MRO: variants seen among roughly 807,000 people sequenced by gnomAD.
MRO encodes the protein protein maestro.
Under a neutral mutation model 31.0 loss-of-function variants are expected in MRO, and 28 were observed. That is an observed-to-expected ratio of 0.90 (90% CI 0.67 to 1.24). MRO has a LOEUF of 1.24. Ranked by LOEUF, MRO falls within the 50% of genes most tolerant of loss-of-function variation. MRO has a pLI of 0.00. For synonymous variants in MRO, 108 were observed against 108.4 expected (o/e 1.00, Z 0.02); for missense variants, 332 against 289.2 (o/e 1.15, Z -1.07).
chr18:50,822,892 G>A (rs375839043), upstream of MRO, among the ~76,000 whole-genome samples: 26 of 152,128 alleles, frequency 1.7e-4, no homozygotes, highest in East Asian at 3.1e-3. Context: ...CTCGGACTGC[G>A]CTCTCAAGGA....
rs928161651 is a variant in MRO, at chr18:50,795,174, C to T, written c.*4163G>A. On this transcript the variant is annotated 3_prime_UTR_variant, in exon 8 of 8. Coordinates refer to ENST00000398439, the MANE Select transcript of MRO (RefSeq NM_031939.6). ...ATTTGTTATCAAGTTATATTATCAA[C>T]AGGTTATTGTCATCAACAGATTAAA... is the stretch of plus-strand genomic sequence containing the variant. 6.6e-6 allele frequency: 1 copy of T among 152,182 alleles called. No homozygotes were observed. The highest frequency in any genetic ancestry group is 6.5e-5 in the Admixed American group (1 of 15,282). The allele number at this position is 152,182 out of a possible 1,614,324, so 9.4% of individuals were successfully genotyped here.
At chr18:50,799,495 A>T (rs997514613) in intron 7 of MRO, 105 bp from the exon 8 acceptor site, 1 of 942,262 alleles carries the variant, frequency 1.1e-6, no homozygotes, top group Non-Finnish European at 1.7e-6. Context: ...GATAAGCAGG[A>T]GAGGTGGAGG....
rs1438535122 is a variant in MRO, at chr18:50,801,513, C to A, written c.430-9G>T. 2 of 1,574,804 alleles carry A rather than the reference C, an allele frequency of 1.3e-6. No homozygotes were observed. Among genetic ancestry groups the A allele is most frequent in the African/African-American group, 2.7e-5 (2 of 73,426 alleles). ...CTCAGACTGTCGTTCTCCTGCGGTC[C>A]CCATCAACAAAACAATAAGAAAGCC... On this transcript the variant is annotated splice_polypyrimidine_tract_variant and intron_variant, in intron 5 of 7. Coordinates refer to ENST00000398439, the MANE Select transcript of MRO (RefSeq NM_031939.6).
intron 5 of MRO, among the ~76,000 whole-genome samples, chr18:50,802,730 T>C (rs1262336620): frequency 6.6e-6 from 1 of 152,104 alleles, no homozygotes; most frequent in Non-Finnish European, 1.5e-5. Flanking sequence ...GTTTTTGTTT[T>C]TGTTTTTGTT....
Position 50,799,386 on chromosome 18 carries a change from T to A in MRO, c.698A>T (p.His233Leu), listed in dbSNP as rs150848918. ...RNTKLYQQLSHYHPEILQFFY... is the reference protein window; with the variant it reads ...RNTKLYQQLSLYHPEILQFFY... Reference sequence around the variant, plus strand: ...GAACTGCAGGATCTCTGGATGATAGTGGCTCTGAAAGAAATTAGCAAAGGT... The same window carrying A: ...GAACTGCAGGATCTCTGGATGATAGAGGCTCTGAAAGAAATTAGCAAAGGT... Residue 233 changes from histidine (H) to leucine (L), a missense_variant, in exon 8 of 8, where the codon CAC becomes CTC. Coordinates refer to ENST00000398439, the MANE Select transcript of MRO (RefSeq NM_031939.6). 3.1e-6 allele frequency: 5 copies of A among 1,614,034 alleles called. No homozygotes were observed. The East Asian group carries it at 1.1e-4, about 36-fold the overall frequency.
chr18:50,799,920 A>G, intron 7 of MRO, 116 bp downstream of exon 7: 1 of 719,340 alleles, frequency 1.4e-6, no homozygotes, highest in East Asian at 2.6e-5. Flanking sequence ...AAATAAACAT[A>G]GTTGGCCTGA....
chr18:50,815,236 G>A lies in MRO; in HGVS notation c.-5+4345C>T, dbSNP rs1914807414. On this transcript the variant is annotated intron_variant, in intron 2 of 7. Transcript: ENST00000398439. ...AAAAAGTGTCCTTTCTAAATGAGAT[G>A]GAGTCTACCAGGTCATAAAGAGGTC... The A allele has an allele frequency of 1.4e-5, 3 of 218,948 alleles. No individual in the cohort carries two copies. In the South Asian group the frequency reaches 2.4e-4, roughly 17 times the overall value. 13.6% of individuals were successfully genotyped at this position (218,948 alleles called of 1,614,324 possible).
rs1311952807 is a variant in MRO, at chr18:50,800,965, A to G, written c.585+384T>C. ...AAGGAAGGAAAGAAAAGAGAAAAGA[A>G]CAGAAAAGAAAAGAAGCCATGGGTG... On this transcript the variant is annotated intron_variant, in intron 6 of 7. Coordinates refer to ENST00000398439, the MANE Select transcript of MRO (RefSeq NM_031939.6). 3.3e-5 allele frequency among the ~76,000 whole-genome samples: 5 copies of G among 152,020 alleles called. No homozygotes were observed. In the East Asian group the frequency reaches 9.6e-4, roughly 29 times the overall value.
rs1269211090 is a variant in MRO at position 50,798,886 on chromosome 18, A to G, written c.*451T>C. On this transcript the variant is annotated 3_prime_UTR_variant, in exon 8 of 8. Transcript: ENST00000398439. ...CTTGGCAAGTAAAGGTATCAATAGC[A>G]AAGTATCAATAGCAAATACACTAAA... 3 of 152,904 alleles carry G rather than the reference A, an allele frequency of 2.0e-5. No individual in the cohort carries two copies. The highest frequency in any genetic ancestry group is 4.8e-5 in the African/African-American group (2 of 41,392). The allele number at this position is 152,904 out of a possible 1,614,324, so 9.5% of individuals were successfully genotyped here. A position where few individuals can be genotyped will look rare whatever the true frequency, so the allele number is the denominator to read the frequency against.
At chr18:50,805,752 A>G (rs1296027318) in intron 4 of MRO, among the ~76,000 whole-genome samples, 1 of 152,088 alleles carries the variant, frequency 6.6e-6, no homozygotes, top group East Asian at 1.9e-4. Flanking sequence ...CTAGAAAAAA[A>G]AATCACTTAA....
chr18:50,801,334 G>A lies in MRO; in HGVS notation c.585+15C>T, dbSNP rs2144584146. The A allele has an allele frequency of 6.5e-7, 1 of 1,546,538 alleles. No homozygotes were observed. Among genetic ancestry groups the A allele is most frequent in the East Asian group, 2.3e-5 (1 of 43,984 alleles). ...TGGAGATGTCACTCTGTTGGTTGCA[G>A]AGTCAAGGTCTTACCTTGGCAACCT... is the stretch of plus-strand genomic sequence containing the variant. On this transcript the variant is annotated intron_variant, in intron 6 of 7. Transcript: ENST00000398439.
chr18:50,801,085 C>T (rs566240431), intron 6 of MRO, among the ~76,000 whole-genome samples: 6 of 152,296 alleles, frequency 3.9e-5, no homozygotes, highest in East Asian at 3.9e-4. Flanking sequence ...ACCTGTGCCT[C>T]TCTGCCCTCA....
intron 2 of MRO, among the ~76,000 whole-genome samples, chr18:50,812,047 T>C (rs1007630955): frequency 1.3e-5 from 2 of 152,200 alleles, no homozygotes; most frequent in East Asian, 1.9e-4. Context: ...GGCCATCATA[T>C]GGTAATTCTA....
At chr18:50,801,862 A>G (rs188413644) in intron 5 of MRO, among the ~76,000 whole-genome samples, 242 of 152,288 alleles carry the variant, frequency 1.6e-3, no homozygotes, top group Non-Finnish European at 3.0e-3. Flanking sequence ...AATTCAAAAT[A>G]ACCAAAAAGC....
intron 2 of MRO, chr18:50,815,691 G>T: frequency 2.3e-6 from 1 of 430,560 alleles, no homozygotes; most frequent in South Asian, 1.8e-5. Flanking sequence ...TGACCGTTAT[G>T]GATCTGGTAG....
chr18:50,801,466 A>G lies in MRO; in HGVS notation c.468T>C (p.Phe156=). 3 of 1,611,636 alleles carry G rather than the reference A, an allele frequency of 1.9e-6. No individual in the cohort carries two copies. The highest frequency in any genetic ancestry group is 2.5e-6 in the Non-Finnish European group (3 of 1,178,834). The change falls in exon 6 of 8, where the codon TTT becomes TTC. Residue 156 remains phenylalanine, a synonymous_variant. Coordinates refer to ENST00000398439, the MANE Select transcript of MRO (RefSeq NM_031939.6). The part of the protein sequence containing the change: ...DSLRYSAFVL[F]GQLAAFAGRK... ...TCCCGGCAAAGGCAGCCAATTGCCC[A>G]AACAAAACAAAGGCCGAGTATCTCA...
At position 50,816,388 on chromosome 18, in the gene MRO, G is replaced by A. The variant is rs939681287; in HGVS notation, c.-5+3193C>T. On this transcript the variant is annotated intron_variant, in intron 2 of 7. Coordinates refer to ENST00000398439, the MANE Select transcript of MRO (RefSeq NM_031939.6). ...CAGGTATATTGCCCTGTAAATTGTG[G>A]TAGTGGTTCCAAGAATAAAAAATTA... is the stretch of plus-strand genomic sequence containing the variant. 2.0e-5 allele frequency among the ~76,000 whole-genome samples: 3 copies of A among 152,214 alleles called. No individual in the cohort carries two copies. The South Asian group carries it at 6.2e-4, about 32-fold the overall frequency.
chr18:50,806,875 T>C, intron 3 of MRO, 25 bp from the exon 4 acceptor site: 2 of 1,612,928 alleles, frequency 1.2e-6, no homozygotes, highest in South Asian at 1.1e-5. Flanking sequence ...AAAAATGTAT[T>C]AATTTGGGAG....
At chr18:50,815,403 T>C (rs1044908207) in intron 2 of MRO, 1 of 242,862 alleles carries the variant, frequency 4.1e-6, no homozygotes, top group Middle Eastern at 1.1e-3. Flanking sequence ...ATGCAGGAGA[T>C]GACAGTGGAT....
Sources: gnomAD v4.1 joint callset for allele counts (sites outside exome capture counted in the v4.1 genomes callset) on GRCh38, gnomAD v4.1.1 for gene constraint, MANE v1.5 for transcripts, NCBI Gene and HGNC (gene_info 2026-07-23, HGNC 2026-07-21) for gene names.